The following CSMD1 variants were observed in gnomAD, a reference collection of about 807,000 sequenced individuals.
CSMD1 encodes the protein CUB and sushi domain-containing protein 1.
CSMD1 carries 213 observed loss-of-function variants against 417.5 expected under a neutral mutation model. The observed-to-expected ratio is 0.51, with a 90% CI of 0.46 to 0.57. The LOEUF (loss-of-function observed/expected upper bound fraction) is 0.57. Ranked by LOEUF, CSMD1 falls within the 20% of genes least tolerant of loss-of-function variation. The pLI is 0.00. For missense variants in CSMD1, 6,923 were observed against 4,529.7 expected, an observed-to-expected ratio of 1.53 and a Z score of -15.17; for synonymous variants, 2,862 against 1,736.8, an observed-to-expected ratio of 1.65 and a Z score of -16.11.
At chr8:3,478,767 T>G (rs7836865) in intron 11 of CSMD1, among the ~76,000 whole-genome samples, 102,531 of 151,916 alleles carry the variant, frequency 0.67, 34,844 homozygotes, top group Middle Eastern at 0.78. Context: ...TCCAAGGAAG[T>G]CTTCATGTTC....
chr8:4,068,094 G>GA (rs1041315461), intron 3 of CSMD1, among the ~76,000 whole-genome samples: 8 of 151,804 alleles, frequency 5.3e-5, no homozygotes, highest in Admixed American at 1.3e-4. Context: ...AAGAAAAAAA[G>GA]AAAAAAAGGG....
At chr8:3,287,598 C>G (rs1334009697) in intron 25 of CSMD1, among the ~76,000 whole-genome samples, 1 of 152,082 alleles carries the variant, frequency 6.6e-6, no homozygotes. Flanking sequence ...ATTTGGCTCT[C>G]TGTTTGTCTG....
chr8:4,461,054 T>A (rs1366179309), intron 2 of CSMD1, among the ~76,000 whole-genome samples: 2 of 152,160 alleles, frequency 1.3e-5, no homozygotes, highest in African/African-American at 4.8e-5. Flanking sequence ...TATAAAGCAT[T>A]ATATACTGTG....
intron 2 of CSMD1, among the ~76,000 whole-genome samples, chr8:4,472,961 T>G (rs1471155189): frequency 6.6e-6 from 1 of 151,956 alleles, no homozygotes; most frequent in Non-Finnish European, 1.5e-5. Flanking sequence ...TAACATTACC[T>G]ATTTATATTT....
At chr8:4,122,986 A>T (rs1263656426) in intron 3 of CSMD1, among the ~76,000 whole-genome samples, 1 of 152,228 alleles carries the variant, frequency 6.6e-6, no homozygotes, top group East Asian at 1.9e-4. Context: ...ATAATTGGCA[A>T]AGACGTGCCA....
chr8:4,003,119 C>G (rs886694854), intron 4 of CSMD1, among the ~76,000 whole-genome samples: 1 of 152,066 alleles, frequency 6.6e-6, no homozygotes, highest in Admixed American at 6.5e-5. Context: ...ACAGGCTTGG[C>G]GCGGTGGCTG....
At chr8:4,142,971 GC>G (rs1480196020) in intron 3 of CSMD1, among the ~76,000 whole-genome samples, 2 of 146,748 alleles carry the variant, frequency 1.4e-5, no homozygotes, top group Non-Finnish European at 3.0e-5. Flanking sequence ...ACTATCAGAT[GC>G]TTAGTTTTCA....
chr8:3,566,014 G>A (rs148374198), intron 10 of CSMD1, among the ~76,000 whole-genome samples: 2 of 152,132 alleles, frequency 1.3e-5, no homozygotes, highest in Admixed American at 1.3e-4. Flanking sequence ...CATTTCCTTT[G>A]AGAATAAAAC....
chr8:3,514,894 T>G (rs946993729), intron 10 of CSMD1, among the ~76,000 whole-genome samples: 1 of 152,170 alleles, frequency 6.6e-6, no homozygotes, highest in African/African-American at 2.4e-5. Flanking sequence ...TAAATTTTAT[T>G]ATTGTTTATA....
intron 3 of CSMD1, among the ~76,000 whole-genome samples, chr8:4,041,004 C>CTTTCTT (rs1250415506): frequency 7.7e-5 from 10 of 129,816 alleles, no homozygotes; most frequent in African/African-American, 2.5e-4. Context: ...TCTTTTCTTT[C>CTTTCTT]TTTTTTTTTT....
At chr8:4,702,874 A>G (rs1159184233) in intron 1 of CSMD1, among the ~76,000 whole-genome samples, 1 of 152,200 alleles carries the variant, frequency 6.6e-6, no homozygotes, top group Non-Finnish European at 1.5e-5. Context: ...AAAATTATTT[A>G]AAAGTCTCTA....
At chr8:3,480,925 G>C (rs1016046629) in intron 11 of CSMD1, among the ~76,000 whole-genome samples, 1 of 151,944 alleles carries the variant, frequency 6.6e-6, no homozygotes, top group Admixed American at 6.6e-5. Context: ...GGGAGGCCGA[G>C]GTGAGCGGAT....
chr8:4,256,983 G>C (rs1446504632), intron 3 of CSMD1, among the ~76,000 whole-genome samples: 1 of 152,146 alleles, frequency 6.6e-6, no homozygotes, highest in Non-Finnish European at 1.5e-5. Context: ...ATTCAATCTG[G>C]AAGAAGTATG....
At chr8:4,271,390 A>G (rs74404805) in intron 3 of CSMD1, among the ~76,000 whole-genome samples, 1 of 152,260 alleles carries the variant, frequency 6.6e-6, no homozygotes, top group Non-Finnish European at 1.5e-5. Flanking sequence ...AGTTTAAAAA[A>G]TACGTAGCTT....
chr8:2,997,540 A>C (rs1807017708), intron 54 of CSMD1, among the ~76,000 whole-genome samples: 1 of 152,248 alleles, frequency 6.6e-6, no homozygotes, highest in South Asian at 2.1e-4. Context: ...CATGAGCTCA[A>C]ACATCTAGAA....
intron 5 of CSMD1, among the ~76,000 whole-genome samples, chr8:3,913,486 T>C (rs1485787025): frequency 1.3e-5 from 2 of 152,150 alleles, no homozygotes; most frequent in Non-Finnish European, 2.9e-5. Context: ...CCTTGGAATG[T>C]GTCCCAGAAG....
intron 49 of CSMD1, among the ~76,000 whole-genome samples, chr8:3,078,149 C>T (rs946564849): frequency 6.6e-6 from 1 of 152,066 alleles, no homozygotes; most frequent in African/African-American, 2.4e-5. Flanking sequence ...TGCATAGGAC[C>T]CTTGATTCTT....
At chr8:3,134,733 T>A (rs1817983616) in intron 41 of CSMD1, among the ~76,000 whole-genome samples, 1 of 152,182 alleles carries the variant, frequency 6.6e-6, no homozygotes, top group Non-Finnish European at 1.5e-5. Flanking sequence ...CTGACACTAC[T>A]ACTTTGGTGT....
In CSMD1 at chr8:4,032,090, C is replaced by A. The variant is rs1188143207; in HGVS notation, c.425G>T (p.Ser142Ile). 6.2e-7 allele frequency: 1 copy of A among 1,603,092 alleles called. No individual in the cohort carries two copies. The highest frequency in any genetic ancestry group is 1.3e-5 in the African/African-American group (1 of 74,726). ...TTCTCCAGGATTTCCACAAGTGTGGCTAGGTAAAACTATTGGAAAAAGAAA... is the reference window on the plus strand; with the variant it reads ...TTCTCCAGGATTTCCACAAGTGTGGATAGGTAAAACTATTGGAAAAAGAAA... Reference protein sequence around the residue: ...GFKALYEVLPSHTCGNPGEIL... With the variant: ...GFKALYEVLPIHTCGNPGEIL... The change falls in exon 4 of 70, where the codon AGC becomes ATC. Residue 142 changes from serine to isoleucine, a missense_variant. By Grantham distance (142) the Ser-to-Ile change is moderately radical. Transcript: ENST00000635120.
Sources: gnomAD v4.1 joint callset for allele counts (sites outside exome capture counted in the v4.1 genomes callset) on GRCh38, gnomAD v4.1.1 for gene constraint, MANE v1.5 for transcripts, NCBI Gene and HGNC (gene_info 2026-07-23, HGNC 2026-07-21) for gene names.